The following KIN variants were observed in gnomAD, a reference collection of about 807,000 sequenced individuals.
The protein encoded by KIN is Kin17 DNA and RNA binding protein, also known as DNA/RNA-binding protein KIN17.
Under a neutral mutation model 63.0 loss-of-function variants are expected in KIN, and 47 were observed. That is an observed-to-expected ratio of 0.75 (90% CI 0.59 to 0.95). The LOEUF (loss-of-function observed/expected upper bound fraction) is 0.95, where lower values mean the gene tolerates loss of function less well. KIN is among the 40% of genes least tolerant of loss of function. KIN has a pLI of 0.00. For synonymous variants in KIN, 160 were observed against 157.7 expected (o/e 1.01, Z -0.11); for missense variants, 408 against 460.9 (o/e 0.89, Z 1.05).
At chr10:7,782,251 A>T (rs1052059246) in intron 2 of KIN, among the ~76,000 whole-genome samples, 6 of 152,122 alleles carry the variant, frequency 3.9e-5, no homozygotes, top group Non-Finnish European at 5.9e-5. Flanking sequence ...AGAAGCAAAG[A>T]AATGTTTATT....
At chr10:7,781,848 G>A (rs937186112) in intron 2 of KIN, among the ~76,000 whole-genome samples, 2 of 151,618 alleles carry the variant, frequency 1.3e-5, no homozygotes, top group Non-Finnish European at 2.9e-5. Context: ...CCTGAGGTCA[G>A]GAGTTCAACA....
intron 7 of KIN, 111 bp downstream of exon 7, chr10:7,774,720 C>A: frequency 1.3e-5 from 11 of 823,760 alleles, no homozygotes; most frequent in East Asian, 8.0e-5. Flanking sequence ...AAACCAAAAA[C>A]AGGTGAAAAC....
Position 7,778,932 on chromosome 10 carries a change from A to C in KIN, c.464T>G (p.Leu155Arg). 6.2e-7 allele frequency: 1 copy of C among 1,613,908 alleles called. No homozygotes were observed. Among genetic ancestry groups the C allele is most frequent in the East Asian group, 2.2e-5 (1 of 44,872 alleles). The change falls in exon 5 of 13, where the codon CTG becomes CGG. Residue 155 changes from leucine to arginine, a missense_variant. Leu to Arg is a moderately radical substitution (Grantham distance 102). Around this residue, in one of 2 missense-constraint regions of KIN, gnomAD observed 298 missense variants for 296.0 expected, o/e 1.01. Transcript: ENST00000379562. ...AAGGTCCTGCTTTTTCTTTTTCTCC[A>C]GTTCCAGTTGCCGGCGGATAGTTTC... ...DPETIRRQLE[L>R]EKKKKQDLDD...
At chr10:7,784,036 C>T (rs1835949661) in intron 1 of KIN, among the ~76,000 whole-genome samples, 1 of 152,160 alleles carries the variant, frequency 6.6e-6, no homozygotes, top group African/African-American at 2.4e-5. Flanking sequence ...CTATAAGAAT[C>T]ATAGTTATTA....
rs141098804 is a variant in KIN, at chr10:7,761,880, T to C, written c.1018+577A>G. Reference sequence around the variant, plus strand: ...AGCCAGATGTGGTGATGCATGCCTGTAATCCCAGCTACTTGGGAGGCTAAG... The same window carrying C: ...AGCCAGATGTGGTGATGCATGCCTGCAATCCCAGCTACTTGGGAGGCTAAG... On this transcript the variant is annotated intron_variant, in intron 11 of 12. Transcript: ENST00000379562. 9.9e-3 allele frequency among the ~76,000 whole-genome samples: 1,507 copies of C among 152,226 alleles called. 21 individuals are homozygous for C. Among genetic ancestry groups the C allele is most frequent in the African/African-American group, 0.034 (1,406 of 41,522 alleles).
intron 7 of KIN, among the ~76,000 whole-genome samples, chr10:7,774,074 C>G (rs192668006): frequency 6.6e-6 from 1 of 152,348 alleles, no homozygotes; most frequent in East Asian, 1.9e-4. Flanking sequence ...CCTTCCTGCA[C>G]TGTCCATGGC....
At chr10:7,784,819 C>T (rs990770099) in intron 1 of KIN, among the ~76,000 whole-genome samples, 1 of 152,184 alleles carries the variant, frequency 6.6e-6, no homozygotes, top group Non-Finnish European at 1.5e-5. Flanking sequence ...TACCCCAATA[C>T]TCACTTGCTC....
chr10:7,778,730 C>T, intron 5 of KIN, 108 bp downstream of exon 5: 1 of 1,188,590 alleles, frequency 8.4e-7, no homozygotes, highest in Non-Finnish European at 1.2e-6. Context: ...CAGAGCAAGA[C>T]TCCATCTCCA....
In KIN at chr10:7,774,112, A is replaced by G. The variant is rs575964377; in HGVS notation, c.668+719T>C. ...CCTTCTCACTACAACAGCAGAGTTCAGTTATTGTGACAAAGACATCTGGCC... is the reference window on the plus strand; with the variant it reads ...CCTTCTCACTACAACAGCAGAGTTCGGTTATTGTGACAAAGACATCTGGCC... On this transcript the variant is annotated intron_variant, in intron 7 of 12. Transcript: ENST00000379562. 1.7e-3 allele frequency among the ~76,000 whole-genome samples: 253 copies of G among 152,304 alleles called. 1 individual carries two copies. The highest frequency in any genetic ancestry group is 5.9e-3 in the African/African-American group (244 of 41,576).
In KIN at chr10:7,751,028, T is replaced by C. The variant is rs1031241089; in HGVS notation, c.*5052A>G. The C allele has an allele frequency of 2.0e-5, 3 of 152,156 alleles. No individual in the cohort carries two copies. The highest frequency in any genetic ancestry group is 4.4e-5 in the Non-Finnish European group (3 of 68,020). The allele number at this position is 152,156 out of a possible 1,614,324, so 9.4% of individuals were successfully genotyped here. ...AAATTATGTTCTAACAAAAGACCAA[T>C]GACATTTATAAGGGAGAATAAAATA... On this transcript the variant is annotated 3_prime_UTR_variant, in exon 13 of 13. Coordinates refer to ENST00000379562, the MANE Select transcript of KIN (RefSeq NM_012311.4).
rs1012356335 is a variant in KIN, at chr10:7,754,837, T to C, written c.*1243A>G. The C allele has an allele frequency of 3.9e-5, 6 of 152,264 alleles. No homozygotes were observed. Among genetic ancestry groups the C allele is most frequent in the African/African-American group, 1.4e-4 (6 of 41,430 alleles). 9.4% of individuals were successfully genotyped at this position (152,264 alleles called of 1,614,324 possible). A position where few individuals can be genotyped will look rare whatever the true frequency, so the allele number is the denominator to read the frequency against. ...CTAGCGTCTGCTCCTTTCAGTCATG[T>C]GCACTACAAATATCCCTTCGTTTTT... On this transcript the variant is annotated 3_prime_UTR_variant, in exon 13 of 13. Coordinates refer to ENST00000379562, the MANE Select transcript of KIN (RefSeq NM_012311.4).
At position 7,756,141 on chromosome 10, in the gene KIN, C is replaced by G. The variant is rs763344381; in HGVS notation, c.1121G>C (p.Gly374Ala). The change falls in exon 13 of 13, where the codon GGC becomes GCC. Residue 374 changes from glycine to alanine, a missense_variant and splice_region_variant. Transcript: ENST00000379562. ...TFSATIVIETGPLKGRRVEGI... is the reference protein window; with the variant it reads ...TFSATIVIETAPLKGRRVEGI... ...TTCAACTCTGCGTCCTTTTAAAGGG[C>G]CCTACAAATTAAAATAATTTAAAAT... 16 of 1,549,262 alleles carry G rather than the reference C, an allele frequency of 1.0e-5. 1 individual carries two copies. The African/African-American group carries it at 1.8e-4, about 17-fold the overall frequency.
intron 7 of KIN, among the ~76,000 whole-genome samples, chr10:7,774,388 A>C (rs1357636601): frequency 6.6e-6 from 1 of 152,240 alleles, no homozygotes; most frequent in African/African-American, 2.4e-5. Context: ...AGGAAAAGAA[A>C]CAGTTTTATA....
chr10:7,779,024 A>G lies in KIN; in HGVS notation c.377-5T>C. On this transcript the variant is annotated splice_region_variant and splice_polypyrimidine_tract_variant and intron_variant, in intron 4 of 12. Transcript: ENST00000379562. The stretch of plus-strand genomic sequence containing the variant: ...TCTCGTCCACTTTGCACAAGCCTTA[A>G]AAAAACAGCCACTGCCATAAATTAG... 6.2e-7 allele frequency: 1 copy of G among 1,601,694 alleles called. No individual in the cohort carries two copies. Among genetic ancestry groups the G allele is most frequent in the South Asian group, 1.1e-5 (1 of 88,668 alleles).
At chr10:7,763,316 A>G (rs564340452) in intron 10 of KIN, among the ~76,000 whole-genome samples, 17 of 152,328 alleles carry the variant, frequency 1.1e-4, no homozygotes, top group Middle Eastern at 6.8e-3. Context: ...TCTCAAGCAA[A>G]ACACAAGAAG....
At chr10:7,785,244 C>A in intron 1 of KIN, among the ~76,000 whole-genome samples, 1 of 138,758 alleles carries the variant, frequency 7.2e-6, no homozygotes. Context: ...CAATTGAGAC[C>A]TTGTCTCAAA....
chr10:7,767,711 T>G (rs953294534), intron 8 of KIN, among the ~76,000 whole-genome samples: 4 of 151,884 alleles, frequency 2.6e-5, no homozygotes, highest in African/African-American at 2.4e-5. Context: ...TATAAAAAAT[T>G]AGCCAGGCAT....
Position 7,769,256 on chromosome 10 carries a change from T to A in KIN, c.758A>T (p.Glu253Val), listed in dbSNP as rs751656774. 5.6e-6 allele frequency: 9 copies of A among 1,613,468 alleles called. No individual in the cohort carries two copies. In the African/African-American group the frequency reaches 1.1e-4, roughly 19 times the overall value. Residue 253 changes from glutamate to valine, a missense_variant, in exon 8 of 13, where the codon GAA (glutamate) becomes GTA (valine). Physicochemically the swap from Glu to Val is moderately radical, Grantham distance 121. Coordinates refer to ENST00000379562, the MANE Select transcript of KIN (RefSeq NM_012311.4). ...CAGTGCAGATTTCTTTTTCTTCTTT[T>A]CTTTAGACTGAGTTGAGCTCTGGGA... ...ESSQSSTQSK[E>V]KKKKKSALDE...
intron 1 of KIN, 71 bp downstream of exon 1, chr10:7,787,749 C>T: frequency 4.8e-6 from 6 of 1,242,336 alleles, no homozygotes; most frequent in Non-Finnish European, 7.1e-6. Flanking sequence ...CCCTCAGCCC[C>T]GCGTCCAGGA....
Sources: allele counts gnomAD v4.1 joint callset (sites outside exome capture counted in the v4.1 genomes callset), GRCh38; gene constraint gnomAD v4.1.1; regional missense constraint gnomAD v4.1.1; transcripts MANE v1.5; gene names NCBI Gene and HGNC (gene_info 2026-07-23, HGNC 2026-07-21).